The following NUDT3 variants were observed in gnomAD, a reference collection of about 807,000 sequenced individuals.
The protein encoded by NUDT3 is nudix hydrolase 3, also known as diphosphoinositol polyphosphate phosphohydrolase 1.
A neutral mutation model predicts 23.6 loss-of-function variants in NUDT3; 9 were observed. That is an observed-to-expected ratio of 0.38 (90% CI 0.23 to 0.66). The LOEUF is 0.66. NUDT3 is among the 30% of genes least tolerant of loss of function. NUDT3 has a pLI of 0.52. For missense variants in NUDT3, 172 were observed against 218.5 expected (o/e 0.79, Z 1.34); for synonymous variants, 86 against 82.6 (o/e 1.04, Z -0.22).
At chr6:34,375,140 C>T (rs1000905970) in intron 1 of NUDT3, among the ~76,000 whole-genome samples, 1 of 152,038 alleles carries the variant, frequency 6.6e-6, no homozygotes, top group Non-Finnish European at 1.5e-5. Flanking sequence ...GTCAGGAGTT[C>T]GAGACCAGCC....
At chr6:34,340,081 G>A (rs1764266381) in intron 2 of NUDT3, among the ~76,000 whole-genome samples, 1 of 152,120 alleles carries the variant, frequency 6.6e-6, no homozygotes, top group Admixed American at 6.5e-5. Context: ...CTCAAATAAA[G>A]AGACCCATGA....
chr6:34,292,523 A>G (rs935662938), intron 4 of NUDT3, among the ~76,000 whole-genome samples: 4 of 152,190 alleles, frequency 2.6e-5, no homozygotes, highest in Non-Finnish European at 5.9e-5. Context: ...TTTGGGAGAA[A>G]GTTGGGTGTA....
rs78677392 is a variant in NUDT3, at chr6:34,309,469, C to G, written c.211-13784G>C. Among the ~76,000 whole-genome samples the G allele has an allele frequency of 7.9e-4, 120 of 151,864 alleles. No individual in the cohort carries two copies. In the East Asian group the frequency reaches 0.022, roughly 27 times the overall value. ...TAAAATTAATAATCTAAGCTTTTAC[C>G]TTAGGAAACTAGAAAAAGAGCAAAT... On this transcript the variant is annotated intron_variant, in intron 2 of 4. Coordinates refer to ENST00000607016, the MANE Select transcript of NUDT3 (RefSeq NM_006703.4).
At chr6:34,360,892 T>G (rs1343999227) in intron 1 of NUDT3, among the ~76,000 whole-genome samples, 1 of 151,870 alleles carries the variant, frequency 6.6e-6, no homozygotes, top group African/African-American at 2.4e-5. Flanking sequence ...AATTAAAAAA[T>G]GAGCAAAAGA....
chr6:34,342,343 A>G (rs1764301705), intron 1 of NUDT3, among the ~76,000 whole-genome samples: 1 of 150,714 alleles, frequency 6.6e-6, no homozygotes, highest in Non-Finnish European at 1.5e-5. Context: ...GCCTGTCAGC[A>G]CTGAAAAAGC....
chr6:34,331,802 AGTTGATCCTTGAATAAT>A (rs1487034073), intron 2 of NUDT3, among the ~76,000 whole-genome samples: 1 of 152,222 alleles, frequency 6.6e-6, no homozygotes, highest in Non-Finnish European at 1.5e-5. Context: ...GTATAACTAC[AGTTGATCCTTGAATAAT>A]GTTGATCCTT....
chr6:34,340,326 T>C (rs1212120854), intron 2 of NUDT3, among the ~76,000 whole-genome samples: 3 of 152,224 alleles, frequency 2.0e-5, no homozygotes, highest in Non-Finnish European at 4.4e-5. Context: ...TTCAGCTGCA[T>C]ACATCCTAAG....
intron 1 of NUDT3, among the ~76,000 whole-genome samples, chr6:34,385,548 T>G (rs189522584): frequency 1.5e-4 from 22 of 151,466 alleles, no homozygotes; most frequent in African/African-American, 5.4e-4. Flanking sequence ...TGACCTATGT[T>G]TTCCAGTCCT....
chr6:34,351,294 G>A (rs1280995714), intron 1 of NUDT3, among the ~76,000 whole-genome samples: 1 of 145,430 alleles, frequency 6.9e-6, no homozygotes, highest in Non-Finnish European at 1.5e-5. Context: ...GGGCAATATG[G>A]AGAGACCTGT....
intron 1 of NUDT3, among the ~76,000 whole-genome samples, chr6:34,382,854 G>A (rs1278290391): frequency 4.0e-5 from 6 of 151,556 alleles, no homozygotes; most frequent in African/African-American, 1.2e-4. Context: ...AAGGCCGGGC[G>A]CGGTGGTTCT....
chr6:34,386,176 G>C (rs1488817679), intron 1 of NUDT3, among the ~76,000 whole-genome samples: 1 of 152,208 alleles, frequency 6.6e-6, no homozygotes, highest in East Asian at 1.9e-4. Context: ...AGTGTACCAA[G>C]CTGGTTAAAG....
chr6:34,281,476 ATCTT>A lies in NUDT3; in HGVS notation c.*7273_*7276del, dbSNP rs1561893843. Reference sequence around the variant, plus strand: ...AGCACATGGAAAACTGGTAAGCTATATCTTTCTAACTGAAATTTTACTTATTCTA... The same window carrying A: ...AGCACATGGAAAACTGGTAAGCTATATCTAACTGAAATTTTACTTATTCTA... On this transcript the variant is annotated 3_prime_UTR_variant, in exon 5 of 5. Transcript: ENST00000607016. 1.3e-5 allele frequency: 2 copies of A among 149,412 alleles called. No individual in the cohort carries two copies. Among genetic ancestry groups the A allele is most frequent in the East Asian group, 2.0e-4 (1 of 5,104 alleles). The allele number at this position is 149,412 out of a possible 1,614,324, so 9.3% of individuals were successfully genotyped here.
chr6:34,351,631 A>G (rs1013531035), intron 1 of NUDT3, among the ~76,000 whole-genome samples: 1 of 147,440 alleles, frequency 6.8e-6, no homozygotes, highest in African/African-American at 2.6e-5. Flanking sequence ...AATCCCAGCT[A>G]TCGGGAGACT....
chr6:34,381,997 C>T (rs1027203176), intron 1 of NUDT3, among the ~76,000 whole-genome samples: 4 of 144,076 alleles, frequency 2.8e-5, no homozygotes, highest in Admixed American at 7.4e-5. Context: ...CACCTGAACC[C>T]GGGAGACGGG....
intron 1 of NUDT3, among the ~76,000 whole-genome samples, chr6:34,387,960 C>T (rs554211025): frequency 2.7e-4 from 41 of 152,266 alleles, no homozygotes; most frequent in South Asian, 1.9e-3. Flanking sequence ...CACTGATGCA[C>T]CCAGAGCAAC....
chr6:34,354,653 G>A (rs1252945467), intron 1 of NUDT3, among the ~76,000 whole-genome samples: 1 of 150,752 alleles, frequency 6.6e-6, no homozygotes, highest in Non-Finnish European at 1.5e-5. Context: ...AACCCGGGAG[G>A]CGGAGGTTGC....
rs183065744 is a variant in NUDT3, at chr6:34,382,900, G to A, written c.99+9364C>T. Among the ~76,000 whole-genome samples, 22 of 152,016 alleles carry A rather than the reference G, an allele frequency of 1.4e-4. No individual in the cohort carries two copies. The East Asian group carries it at 4.1e-3, about 28-fold the overall frequency. On this transcript the variant is annotated intron_variant, in intron 1 of 4. Transcript: ENST00000607016. ...CCTAGCACTTTGGGAGGCCGAGGAG[G>A]GTGGATCACAAGGTCAGGAGTTCGA...
At chr6:34,297,756 TATAA>T (rs201293742) in intron 2 of NUDT3, among the ~76,000 whole-genome samples, 1,327 of 79,606 alleles carry the variant, frequency 0.017, 26 homozygotes, top group Middle Eastern at 0.045. Flanking sequence ...TATATATATA[TATAA>T]TTTTTTTTTT....
chr6:34,388,018 T>C (rs943680719), intron 1 of NUDT3, among the ~76,000 whole-genome samples: 11 of 152,176 alleles, frequency 7.2e-5, no homozygotes, highest in African/African-American at 2.4e-4. Context: ...TTTTTATTTT[T>C]TGTACCGTAT....
Sources: allele counts gnomAD v4.1 joint callset (sites outside exome capture counted in the v4.1 genomes callset), GRCh38; gene constraint gnomAD v4.1.1; transcripts MANE v1.5; gene names NCBI Gene and HGNC (gene_info 2026-07-23, HGNC 2026-07-21).